Variants in RGS6 observed in about 807,000 individuals in gnomAD.
The protein encoded by RGS6 is regulator of G-protein signaling 6.
RGS6 carries 30 observed loss-of-function variants against 78.5 expected under a neutral mutation model. The observed-to-expected ratio is 0.38, with a 90% confidence interval of 0.29 to 0.52. The LOEUF is 0.52. Among genes scored for constraint, RGS6 ranks in the 20% least tolerant of loss-of-function variants. The pLI is 0.85. For missense variants in RGS6, 495 were observed against 609.7 expected (o/e 0.81, Z 1.98); for synonymous variants, 206 against 206.0 (o/e 1.00, Z 0.00).
At chr14:72,408,129 G>A (rs757965864) in intron 3 of RGS6, among the ~76,000 whole-genome samples, 3 of 152,174 alleles carry the variant, frequency 2.0e-5, no homozygotes, top group Non-Finnish European at 4.4e-5. Context: ...ACTATTTAAA[G>A]GAAATGATAA....
intron 3 of RGS6, among the ~76,000 whole-genome samples, chr14:72,417,587 C>T (rs998365619): frequency 1.3e-5 from 2 of 152,186 alleles, no homozygotes; most frequent in Non-Finnish European, 2.9e-5. Flanking sequence ...CAGTGTGACT[C>T]GGAGAACCGC....
At chr14:72,142,729 A>T (rs2096557121) in intron 2 of RGS6, among the ~76,000 whole-genome samples, 1 of 152,216 alleles carries the variant, frequency 6.6e-6, no homozygotes, top group African/African-American at 2.4e-5. Flanking sequence ...GAACCAATTT[A>T]CAACATTTAA....
At chr14:72,313,316 G>GTC (rs1284720596) in intron 2 of RGS6, among the ~76,000 whole-genome samples, 1 of 152,188 alleles carries the variant, frequency 6.6e-6, no homozygotes, top group Admixed American at 6.5e-5. Context: ...TGAAACCAAG[G>GTC]TCTAGGTCTT....
chr14:72,269,144 CA>C (rs34335170), intron 2 of RGS6, among the ~76,000 whole-genome samples: 1 of 4,902 alleles, frequency 2.0e-4, no homozygotes, highest in Non-Finnish European at 7.9e-4. Context: ...GCCCCCCCAC[CA>C]CCCACCTTGC....
intron 2 of RGS6, among the ~76,000 whole-genome samples, chr14:72,254,864 A>G (rs991747062): frequency 6.6e-6 from 1 of 152,100 alleles, no homozygotes; most frequent in South Asian, 2.1e-4. Context: ...CTTTCCATAC[A>G]CTTTTCTCTA....
At chr14:72,368,825 T>C (rs2082909261) in intron 3 of RGS6, among the ~76,000 whole-genome samples, 1 of 152,222 alleles carries the variant, frequency 6.6e-6, no homozygotes, top group Admixed American at 6.5e-5. Flanking sequence ...GGCTGAATAA[T>C]GGCCCCCCAA....
intron 2 of RGS6, among the ~76,000 whole-genome samples, chr14:72,001,895 C>CT (rs59274317): frequency 0.49 from 45,362 of 91,886 alleles, 12,716 homozygotes; most frequent in Non-Finnish European, 0.57. Flanking sequence ...ATCCATTAAT[C>CT]TTTTTTTTTT....
At chr14:72,273,695 C>A (rs1168860740) in intron 2 of RGS6, among the ~76,000 whole-genome samples, 1 of 152,146 alleles carries the variant, frequency 6.6e-6, no homozygotes, top group Non-Finnish European at 1.5e-5. Flanking sequence ...TTTTCTCCCC[C>A]AGAGCAGACT....
intron 2 of RGS6, among the ~76,000 whole-genome samples, chr14:72,319,350 A>AT (rs755289519): frequency 0.018 from 2,588 of 142,280 alleles, 61 homozygotes; most frequent in African/African-American, 0.052. Context: ...GAAGGGGGAA[A>AT]TTTTTTTTTT....
At chr14:71,974,066 AT>A (rs1255908574) in intron 2 of RGS6, among the ~76,000 whole-genome samples, 1 of 151,956 alleles carries the variant, frequency 6.6e-6, no homozygotes, top group East Asian at 1.9e-4. Flanking sequence ...CCCTCATTTC[AT>A]TTCAAGGAGT....
chr14:71,952,245 T>C (rs1169508355), intron 1 of RGS6, among the ~76,000 whole-genome samples: 1 of 152,214 alleles, frequency 6.6e-6, no homozygotes, highest in Non-Finnish European at 1.5e-5. Context: ...TATTATTAAA[T>C]ATTTCTGTAA....
the RGS6 span, among the ~76,000 whole-genome samples, chr14:72,582,260 G>C: frequency 6.6e-6 from 1 of 152,120 alleles, no homozygotes; most frequent in Admixed American, 6.6e-5. Flanking sequence ...AAGCACAGCA[G>C]GGTCCCCTTC....
At chr14:72,372,470 C>T (rs75623503) in intron 3 of RGS6, among the ~76,000 whole-genome samples, 1 of 152,160 alleles carries the variant, frequency 6.6e-6, no homozygotes, top group East Asian at 1.9e-4. Context: ...GATAATATGC[C>T]CCTAGAATAT....
intron 3 of RGS6, among the ~76,000 whole-genome samples, chr14:72,372,436 G>A (rs1423829739): frequency 1.3e-5 from 2 of 152,156 alleles, no homozygotes; most frequent in Non-Finnish European, 2.9e-5. Flanking sequence ...ATTTTCTACA[G>A]CGATCTATCC....
chr14:72,058,602 A>G (rs1191866243), intron 2 of RGS6, among the ~76,000 whole-genome samples: 1 of 152,156 alleles, frequency 6.6e-6, no homozygotes, highest in African/African-American at 2.4e-5. Context: ...CTCATTTTGC[A>G]GATAAATAAA....
At chr14:72,400,884 G>A (rs1459687686) in intron 3 of RGS6, among the ~76,000 whole-genome samples, 1 of 152,080 alleles carries the variant, frequency 6.6e-6, no homozygotes, top group East Asian at 1.9e-4. Flanking sequence ...ACAGGGAAAG[G>A]TTCCCAAGCA....
At chr14:72,616,624 A>G in the RGS6 span, among the ~76,000 whole-genome samples, 11 of 152,172 alleles carry the variant, frequency 7.2e-5, no homozygotes, top group African/African-American at 2.2e-4. Context: ...TAGGCAGGGC[A>G]AGTGTTACTA....
chr14:72,415,810 A>T (rs1212182508), intron 3 of RGS6, among the ~76,000 whole-genome samples: 1 of 152,224 alleles, frequency 6.6e-6, no homozygotes, highest in Non-Finnish European at 1.5e-5. Flanking sequence ...GTCTCTGTTT[A>T]TGTGCATTCA....
At chr14:72,464,051 T>G (rs1033946836) in intron 6 of RGS6, among the ~76,000 whole-genome samples, 1 of 152,242 alleles carries the variant, frequency 6.6e-6, no homozygotes, top group Non-Finnish European at 1.5e-5. Context: ...TTTAGTTTCT[T>G]AAATCAACCG....
Sources: allele counts gnomAD v4.1 joint callset (sites outside exome capture counted in the v4.1 genomes callset), GRCh38; gene constraint gnomAD v4.1.1; transcripts MANE v1.5; gene names NCBI Gene and HGNC (gene_info 2026-07-23, HGNC 2026-07-21).